Variants in CAMK2D observed in about 807,000 individuals in gnomAD.
CAMK2D encodes the protein calcium/calmodulin dependent protein kinase II delta.
A neutral mutation model predicts 84.0 loss-of-function variants in CAMK2D; 37 were observed. The ratio of observed to expected loss-of-function variants is 0.44; its 90% confidence interval spans 0.34 to 0.58. CAMK2D has a LOEUF of 0.58. CAMK2D is among the 20% of genes least tolerant of loss of function. The probability of loss-of-function intolerance (pLI) is 0.02; values close to 1 mark genes in which losing one functional copy is unlikely to be tolerated. For missense variants in CAMK2D, 448 were observed against 652.5 expected (o/e 0.69, Z 3.41); for synonymous variants, 202 against 212.5 (o/e 0.95, Z 0.43).
intron 16 of CAMK2D, among the ~76,000 whole-genome samples, chr4:113,474,314 A>G (rs1007807243): frequency 3.3e-5 from 5 of 152,186 alleles, no homozygotes; most frequent in Non-Finnish European, 7.3e-5. Flanking sequence ...TTGGCATTCA[A>G]GTTTACACAT....
At chr4:113,643,686 A>G (rs1020314351) in intron 3 of CAMK2D, among the ~76,000 whole-genome samples, 2 of 152,206 alleles carry the variant, frequency 1.3e-5, no homozygotes, top group Admixed American at 6.5e-5. Flanking sequence ...AAACCATCAG[A>G]CTTTCCTCCC....
At chr4:113,536,910 A>G (rs2098496685) in intron 7 of CAMK2D, among the ~76,000 whole-genome samples, 1 of 152,182 alleles carries the variant, frequency 6.6e-6, no homozygotes, top group Non-Finnish European at 1.5e-5. Context: ...TCTTTAAATC[A>G]TAAATCATAA....
chr4:113,465,481 A>C (rs2097447298), intron 17 of CAMK2D, 48 bp downstream of exon 17: 3 of 1,069,264 alleles, frequency 2.8e-6, no homozygotes, highest in Non-Finnish European at 4.3e-6. Flanking sequence ...TCATATAAAA[A>C]ATATATTTAC....
chr4:113,471,378 A>G (rs1412381640), intron 16 of CAMK2D, among the ~76,000 whole-genome samples: 1 of 151,930 alleles, frequency 6.6e-6, no homozygotes, highest in Non-Finnish European at 1.5e-5. Context: ...TATCTCGGAG[A>G]CCTTAAATCT....
At chr4:113,521,140 G>A (rs1029857319) in intron 8 of CAMK2D, among the ~76,000 whole-genome samples, 3 of 152,086 alleles carry the variant, frequency 2.0e-5, no homozygotes, top group African/African-American at 7.2e-5. Flanking sequence ...GGAAAGATAG[G>A]CTATTATTTA....
intron 4 of CAMK2D, among the ~76,000 whole-genome samples, chr4:113,580,807 C>A (rs1591502850): frequency 6.6e-6 from 1 of 150,902 alleles, no homozygotes; most frequent in Non-Finnish European, 1.5e-5. Context: ...CATATTTAAG[C>A]ACTTAATTCA....
chr4:113,567,494 A>C (rs2098731460), intron 4 of CAMK2D, among the ~76,000 whole-genome samples: 1 of 152,180 alleles, frequency 6.6e-6, no homozygotes, highest in African/African-American at 2.4e-5. Context: ...TCTGACATCT[A>C]TGATCCTGTT....
At chr4:113,604,201 A>G (rs2098967933) in intron 4 of CAMK2D, among the ~76,000 whole-genome samples, 1 of 152,138 alleles carries the variant, frequency 6.6e-6, no homozygotes, top group Non-Finnish European at 1.5e-5. Flanking sequence ...CTCGGAACTC[A>G]TTGGGTAAGT....
At chr4:113,637,935 A>G (rs925209372) in intron 3 of CAMK2D, among the ~76,000 whole-genome samples, 1 of 152,276 alleles carries the variant, frequency 6.6e-6, no homozygotes, top group Admixed American at 6.5e-5. Context: ...TGTGGACCAA[A>G]AGCAAGAAAG....
At chr4:113,647,642 A>G (rs987090083) in intron 3 of CAMK2D, among the ~76,000 whole-genome samples, 7 of 152,230 alleles carry the variant, frequency 4.6e-5, no homozygotes, top group African/African-American at 1.7e-4. Context: ...GTTTCTACAC[A>G]TTGTCAAATG....
In CAMK2D at chr4:113,465,588, A is replaced by C; in HGVS notation, c.1152T>G (p.Ile384Met). 6.2e-7 allele frequency: 1 copy of C among 1,611,944 alleles called. No individual in the cohort carries two copies. The highest frequency in any genetic ancestry group is 1.1e-5 in the South Asian group (1 of 90,996). Residue 384 changes from isoleucine to methionine, a missense_variant, in exon 17 of 21, where the codon ATT (isoleucine) becomes ATG (methionine). By Grantham distance (10) the Ile-to-Met change is conservative. This residue lies in a region of CAMK2D where 219 missense variants were observed against 272.1 expected (regional missense o/e 0.80). Transcript: ENST00000511664. ...DEDVKARKQE[I>M]IKVTEQLIEA... ...CGATCAGTTGTTCAGTGACTTTGAT[A>C]ATCTCTTGCTTTCGTGCTAAAGGCA...
In CAMK2D at chr4:113,518,431, TCA is replaced by T. The variant is rs1590599721; in HGVS notation, c.602-776_602-775del. Among the ~76,000 whole-genome samples, 3 of 152,316 alleles carry T rather than the reference TCA, an allele frequency of 2.0e-5. No homozygotes were observed. The East Asian group carries it at 5.8e-4, about 29-fold the overall frequency. On this transcript the variant is annotated intron_variant, in intron 8 of 20. Transcript: ENST00000511664. Reference sequence around the variant, plus strand: ...TTTTAAAATTAAAAAAATTCTGTATTCACAGTTTGTAAATTTCCCTGAAATCA... The same window carrying T: ...TTTTAAAATTAAAAAAATTCTGTATTCAGTTTGTAAATTTCCCTGAAATCA...
rs1386385978 is a variant in CAMK2D at position 113,673,448 on chromosome 4, A to AT, written c.161-11677dup. Among the ~76,000 whole-genome samples the AT allele has an allele frequency of 2.0e-5, 3 of 152,200 alleles. No individual in the cohort carries two copies. In the East Asian group the frequency reaches 5.8e-4, roughly 29 times the overall value. On this transcript the variant is annotated intron_variant, in intron 2 of 20. Coordinates refer to ENST00000511664, the MANE Select transcript of CAMK2D (RefSeq NM_001321571.2). ...CCCAAAAGGACCACCTGGCAAGGCA[A>AT]TGTAATCCCAAAAGTGGGGTGTAAA...
intron 2 of CAMK2D, among the ~76,000 whole-genome samples, chr4:113,756,128 C>G (rs1262078437): frequency 2.0e-5 from 3 of 151,868 alleles, no homozygotes; most frequent in Non-Finnish European, 4.4e-5. Context: ...GTATGTATGA[C>G]TAACAGCTGA....
chr4:113,664,923 C>G (rs1338379997), intron 2 of CAMK2D, among the ~76,000 whole-genome samples: 1 of 152,042 alleles, frequency 6.6e-6, no homozygotes, highest in African/African-American at 2.4e-5. Flanking sequence ...CCTGCCTCAG[C>G]CTCCCAAGTA....
At chr4:113,696,162 ACAC>A (rs1264753622) in intron 2 of CAMK2D, among the ~76,000 whole-genome samples, 1 of 149,474 alleles carries the variant, frequency 6.7e-6, no homozygotes, top group African/African-American at 2.5e-5. Context: ...ATTGCAACGC[ACAC>A]CACTTGACAG....
intron 4 of CAMK2D, among the ~76,000 whole-genome samples, chr4:113,598,598 A>T (rs1401660236): frequency 6.6e-6 from 1 of 152,242 alleles, no homozygotes; most frequent in East Asian, 1.9e-4. Context: ...AGGATAAGAA[A>T]AGCTGCAGAC....
intron 2 of CAMK2D, among the ~76,000 whole-genome samples, chr4:113,708,181 T>C (rs1561958705): frequency 6.6e-6 from 1 of 152,194 alleles, no homozygotes; most frequent in Admixed American, 6.5e-5. Context: ...TAGCACCATA[T>C]TTCTATATTA....
chr4:113,754,263 G>A, intron 2 of CAMK2D: 2 of 976,662 alleles, frequency 2.0e-6, no homozygotes, highest in Non-Finnish European at 2.4e-6. Context: ...TAATAAATGG[G>A]GAAGACTGAT....
Sources: gnomAD v4.1 joint callset for allele counts (sites outside exome capture counted in the v4.1 genomes callset) on GRCh38, gnomAD v4.1.1 for gene constraint, gnomAD v4.1.1 regional missense constraint, MANE v1.5 for transcripts, NCBI Gene and HGNC (gene_info 2026-07-23, HGNC 2026-07-21) for gene names.